The following EPB41L4A variants were observed in gnomAD, a reference collection of about 807,000 sequenced individuals.
EPB41L4A encodes erythrocyte membrane protein band 4.1 like 4A.
In EPB41L4A, 100 loss-of-function variants were observed where a neutral mutation model predicts 108.6. The ratio of observed to expected loss-of-function variants is 0.92; its 90% CI spans 0.78 to 1.09. The LOEUF (loss-of-function observed/expected upper bound fraction) is 1.09, where lower values mean the gene tolerates loss of function less well. Ranked by LOEUF, EPB41L4A falls within the 50% of genes least tolerant of loss-of-function variation. EPB41L4A has a pLI of 0.00. For synonymous variants in EPB41L4A, 319 were observed against 289.0 expected (o/e 1.10, Z -1.05); for missense variants, 1,030 against 842.7 (o/e 1.22, Z -2.75).
At chr5:112,323,265 G>A (rs188684518) in intron 1 of EPB41L4A, among the ~76,000 whole-genome samples, 20 of 152,058 alleles carry the variant, frequency 1.3e-4, no homozygotes, top group African/African-American at 4.6e-4. Context: ...GATGAAAGAA[G>A]GGATAATTCT....
At chr5:112,398,786 C>T (rs115112953) in intron 1 of EPB41L4A, among the ~76,000 whole-genome samples, 2,535 of 152,080 alleles carry the variant, frequency 0.017, 68 homozygotes, top group African/African-American at 0.056. Context: ...TGAGTATTAA[C>T]AAAATAAGAC....
intron 1 of EPB41L4A, among the ~76,000 whole-genome samples, chr5:112,374,588 C>A (rs1488560869): frequency 2.0e-5 from 3 of 152,154 alleles, no homozygotes; most frequent in Non-Finnish European, 2.9e-5. Flanking sequence ...TAATACAGTT[C>A]CAAAGTTACC....
In EPB41L4A at chr5:112,275,414, G is replaced by A. The variant is rs1752563778; in HGVS notation, c.257-10C>T. The A allele has an allele frequency of 6.6e-7, 1 of 1,524,138 alleles. No homozygotes were observed. The highest frequency in any genetic ancestry group is 1.2e-5 in the South Asian group (1 of 80,884). The allele number at this position is 1,524,138 out of a possible 1,614,324, so 94.4% of individuals were successfully genotyped here. A position where few individuals can be genotyped will look rare whatever the true frequency, so the allele number is the denominator to read the frequency against. On this transcript the variant is annotated splice_polypyrimidine_tract_variant and intron_variant, in intron 3 of 22. Transcript: ENST00000261486. ...GTATATGGAGGTCCAGCTAAAATAA[G>A]AAATAGAAATTAAATTTCACTAAAA...
chr5:112,301,108 T>C (rs1754325565), intron 2 of EPB41L4A, among the ~76,000 whole-genome samples: 1 of 152,170 alleles, frequency 6.6e-6, no homozygotes, highest in Non-Finnish European at 1.5e-5. Context: ...GGTGCCTCCT[T>C]AATTGGTTTA....
intron 13 of EPB41L4A, among the ~76,000 whole-genome samples, chr5:112,208,144 G>A (rs1407748895): frequency 6.6e-6 from 1 of 150,946 alleles, no homozygotes; most frequent in African/African-American, 2.4e-5. Flanking sequence ...TACTTGGGAG[G>A]CTGAGGCAGG....
At chr5:112,198,369 G>A (rs921572470) in intron 15 of EPB41L4A, among the ~76,000 whole-genome samples, 1 of 152,080 alleles carries the variant, frequency 6.6e-6, no homozygotes, top group Non-Finnish European at 1.5e-5. Context: ...TTTGTACATG[G>A]ATATTTTTTT....
chr5:112,158,157 G>GA (rs144792908), downstream of EPB41L4A, among the ~76,000 whole-genome samples: 991 of 152,296 alleles, frequency 6.5e-3, 15 homozygotes, highest in Non-Finnish European at 7.7e-3. Flanking sequence ...GGGAAGAAGA[G>GA]AAAAGAGGAA....
chr5:112,265,039 T>C, intron 5 of EPB41L4A, 23 bp from the exon 6 acceptor site: 1 of 1,536,352 alleles, frequency 6.5e-7, no homozygotes, highest in Non-Finnish European at 8.7e-7. Flanking sequence ...GATAACATAG[T>C]TTTTTCCATT....
chr5:112,364,778 T>C (rs1037274494), intron 1 of EPB41L4A, among the ~76,000 whole-genome samples: 1 of 152,246 alleles, frequency 6.6e-6, no homozygotes, highest in South Asian at 2.1e-4. Flanking sequence ...GCACAAATAT[T>C]TCCCAGTTCA....
intron 1 of EPB41L4A, among the ~76,000 whole-genome samples, chr5:112,339,566 T>C (rs1055487792): frequency 1.4e-5 from 2 of 142,308 alleles, no homozygotes; most frequent in Non-Finnish European, 3.0e-5. Context: ...CAGAGTCTCA[T>C]TCTGTTGCCC....
At chr5:112,157,696 A>T (rs370229888), downstream of EPB41L4A, among the ~76,000 whole-genome samples, 24 of 152,182 alleles carry the variant, frequency 1.6e-4, no homozygotes, top group Middle Eastern at 0.01. Context: ...ACCTTCTTCC[A>T]TTTTTATCCC....
At chr5:112,284,689 C>G (rs1753170081) in intron 2 of EPB41L4A, among the ~76,000 whole-genome samples, 1 of 152,220 alleles carries the variant, frequency 6.6e-6, no homozygotes, top group Non-Finnish European at 1.5e-5. Context: ...ATCCTAAACA[C>G]TCCATCACTG....
chr5:112,325,412 GCCTGGGTGA>G (rs1756085392), intron 1 of EPB41L4A, among the ~76,000 whole-genome samples: 1 of 149,658 alleles, frequency 6.7e-6, no homozygotes, highest in Non-Finnish European at 1.5e-5. Flanking sequence ...CTACACTCCA[GCCTGGGTGA>G]CACTGCGAGA....
At chr5:112,235,122 C>T (rs1353470074) in intron 11 of EPB41L4A, among the ~76,000 whole-genome samples, 1 of 152,164 alleles carries the variant, frequency 6.6e-6, no homozygotes, top group Non-Finnish European at 1.5e-5. Context: ...TCCACATGAG[C>T]TCCATGTTGT....
intron 15 of EPB41L4A, among the ~76,000 whole-genome samples, chr5:112,198,995 TC>T (rs2150279989): frequency 6.6e-6 from 1 of 152,248 alleles, no homozygotes; most frequent in South Asian, 2.1e-4. Flanking sequence ...CGTTCATGGC[TC>T]TCTCTTCCTA....
intron 18 of EPB41L4A, among the ~76,000 whole-genome samples, chr5:112,181,111 T>C (rs1294568363): frequency 6.6e-6 from 1 of 152,202 alleles, no homozygotes; most frequent in Non-Finnish European, 1.5e-5. Context: ...TAGTGGAGTA[T>C]AAAATGACCC....
chr5:112,343,725 G>C (rs1185696497), intron 1 of EPB41L4A, among the ~76,000 whole-genome samples: 1 of 151,946 alleles, frequency 6.6e-6, no homozygotes, highest in African/African-American at 2.4e-5. Flanking sequence ...TATCTAGCAA[G>C]AATAAAAATC....
intron 1 of EPB41L4A, among the ~76,000 whole-genome samples, chr5:112,408,123 A>G (rs1169311834): frequency 6.6e-6 from 1 of 152,070 alleles, no homozygotes; most frequent in Non-Finnish European, 1.5e-5. Flanking sequence ...TTTTTAATTG[A>G]TTTTTTTTAT....
chr5:112,291,352 C>T (rs1300766145), intron 2 of EPB41L4A, among the ~76,000 whole-genome samples: 2 of 152,222 alleles, frequency 1.3e-5, no homozygotes, highest in African/African-American at 2.4e-5. Flanking sequence ...GCCTGCCATG[C>T]TCCTCCCCTT....
Sources: allele counts gnomAD v4.1 joint callset (sites outside exome capture counted in the v4.1 genomes callset), GRCh38; gene constraint gnomAD v4.1.1; transcripts MANE v1.5; gene names NCBI Gene and HGNC (gene_info 2026-07-23, HGNC 2026-07-21).